The following NTN1 variants were observed in gnomAD, a reference collection of about 807,000 sequenced individuals.
NTN1 encodes the protein netrin-1.
A neutral mutation model predicts 54.2 loss-of-function variants in NTN1; 11 were observed. The ratio of observed to expected loss-of-function variants is 0.20; its 90% CI spans 0.13 to 0.34. The LOEUF (loss-of-function observed/expected upper bound fraction) is 0.34, where lower values mean the gene tolerates loss of function less well. Ranked by LOEUF, NTN1 falls within the 10% of genes least tolerant of loss-of-function variation. The probability of loss-of-function intolerance (pLI) is 1.00; values close to 1 mark genes in which losing one functional copy is unlikely to be tolerated. For missense variants in NTN1, 740 were observed against 893.1 expected, an observed-to-expected ratio of 0.83 and a Z score of 2.18; for synonymous variants, 371 against 382.0, an observed-to-expected ratio of 0.97 and a Z score of 0.33.
intron 2 of NTN1, among the ~76,000 whole-genome samples, chr17:9,112,716 T>C (rs959674278): frequency 6.6e-5 from 10 of 151,016 alleles, no homozygotes. Flanking sequence ...TCCCAGCTAC[T>C]CGGGAGGCTG....
At chr17:9,082,052 T>C (rs2092072863) in intron 2 of NTN1, among the ~76,000 whole-genome samples, 1 of 152,078 alleles carries the variant, frequency 6.6e-6, no homozygotes, top group African/African-American at 2.4e-5. Context: ...GGGTTCAAAA[T>C]CTTGTTTTTT....
At position 9,242,060 on chromosome 17, in the gene NTN1, G is replaced by GGCA. The variant is rs1906232514; in HGVS notation, c.*2096_*2098dup. 1 of 152,668 alleles carries GGCA rather than the reference G, an allele frequency of 6.6e-6. No individual in the cohort carries two copies. The highest frequency in any genetic ancestry group is 2.1e-4 in the South Asian group (1 of 4,830). The allele number at this position is 152,668 out of a possible 1,614,324, so 9.5% of individuals were successfully genotyped here. Reference sequence around the variant, plus strand: ...TGGGGACAATCACATCTTCAGAGGAGGCAGCAAAGTGGTGCGGGATGCAGG... The same window carrying GGCA: ...TGGGGACAATCACATCTTCAGAGGAGGCAGCAGCAAAGTGGTGCGGGATGCAGG... On this transcript the variant is annotated 3_prime_UTR_variant, in exon 7 of 7. Transcript: ENST00000173229.
chr17:9,169,409 C>G (rs2142305428), intron 3 of NTN1, among the ~76,000 whole-genome samples: 1 of 152,346 alleles, frequency 6.6e-6, no homozygotes, highest in Middle Eastern at 3.4e-3. Flanking sequence ...AGTCCCTGAT[C>G]TTGTGACTCG....
At chr17:9,166,340 C>G (rs955797831) in intron 3 of NTN1, among the ~76,000 whole-genome samples, 3 of 113,048 alleles carry the variant, frequency 2.7e-5, no homozygotes, top group African/African-American at 1.0e-4. Context: ...CAGGCTCTGG[C>G]TTTTTTTTTT....
intron 2 of NTN1, among the ~76,000 whole-genome samples, chr17:9,061,616 T>C (rs2091998573): frequency 6.6e-6 from 1 of 152,224 alleles, no homozygotes. Context: ...TTGATATTGC[T>C]AGTCTGTCCA....
At chr17:9,073,288 T>C (rs1310540546) in intron 2 of NTN1, among the ~76,000 whole-genome samples, 3 of 152,074 alleles carry the variant, frequency 2.0e-5, no homozygotes, top group Admixed American at 2.0e-4. Context: ...CGGGTGAAGG[T>C]GGGTGCAAGG....
chr17:9,149,120 C>G (rs1350471139), intron 2 of NTN1, among the ~76,000 whole-genome samples: 2 of 152,080 alleles, frequency 1.3e-5, no homozygotes, highest in Non-Finnish European at 2.9e-5. Context: ...GGAGCCATTA[C>G]AGATGGGAAA....
rs148171944 is a variant in NTN1, at chr17:9,032,716, C to G, written c.1018+9325C>G. Among the ~76,000 whole-genome samples the G allele has an allele frequency of 4.4e-3, 670 of 152,332 alleles. 3 individuals carry two copies. Among genetic ancestry groups the G allele is most frequent in the Non-Finnish European group, 7.3e-3 (499 of 68,030 alleles). On this transcript the variant is annotated intron_variant, in intron 2 of 6. Coordinates refer to ENST00000173229, the MANE Select transcript of NTN1 (RefSeq NM_004822.3). ...TGGGTTGGGCGGCCCCAGGGCAGAG[C>G]TGTTGGACACGGCCCCCCCAGCCCC...
rs755668723 is a variant in NTN1, at chr17:9,023,039, G to T, written c.666G>T (p.Thr222=). ...PLSGGLIAFS[T]LDGRPSAHDF... Reference sequence around the variant, plus strand: ...CGGGCGGCCTCATCGCCTTCAGCACGCTGGACGGGCGGCCCTCGGCGCACG... The same window carrying T: ...CGGGCGGCCTCATCGCCTTCAGCACTCTGGACGGGCGGCCCTCGGCGCACG... Residue 222 remains threonine, a synonymous_variant, in exon 2 of 7, where the codon ACG becomes ACT. Coordinates refer to ENST00000173229, the MANE Select transcript of NTN1 (RefSeq NM_004822.3). 2 of 1,592,412 alleles carry T rather than the reference G, an allele frequency of 1.3e-6. No homozygotes were observed. The highest frequency in any genetic ancestry group is 1.1e-5 in the South Asian group (1 of 88,458).
intron 3 of NTN1, among the ~76,000 whole-genome samples, chr17:9,178,419 C>G (rs1394967924): frequency 6.6e-6 from 1 of 152,216 alleles, no homozygotes; most frequent in East Asian, 1.9e-4. Flanking sequence ...CTTCAACAAA[C>G]AATTCCTCAC....
chr17:9,021,232 T>TC (rs1357935769), upstream of NTN1, among the ~76,000 whole-genome samples: 3 of 150,444 alleles, frequency 2.0e-5, no homozygotes, highest in African/African-American at 7.4e-5. Context: ...CGGCCCCTCC[T>TC]CCCCCACGGG....
At chr17:9,228,636 T>C (rs1905679728) in intron 6 of NTN1, among the ~76,000 whole-genome samples, 1 of 152,196 alleles carries the variant, frequency 6.6e-6, no homozygotes. Flanking sequence ...TTCCCAGAAA[T>C]GTTTATTAGT....
the NTN1 span, among the ~76,000 whole-genome samples, chr17:9,008,589 C>G: frequency 6.6e-6 from 1 of 152,206 alleles, no homozygotes; most frequent in African/African-American, 2.4e-5. Flanking sequence ...TCCCAAAGTG[C>G]TGGGATTACA....
At chr17:9,123,793 T>G (rs2092237901) in intron 2 of NTN1, among the ~76,000 whole-genome samples, 1 of 152,208 alleles carries the variant, frequency 6.6e-6, no homozygotes, top group South Asian at 2.1e-4. Flanking sequence ...TTCTCTTGGT[T>G]CCTATCACAG....
intron 6 of NTN1, among the ~76,000 whole-genome samples, chr17:9,233,516 C>T (rs1382282606): frequency 1.3e-5 from 2 of 151,992 alleles, no homozygotes; most frequent in Admixed American, 6.6e-5. Flanking sequence ...GGTGACAATG[C>T]AGGGTCCTCA....
chr17:9,141,384 G>A (rs1406371117), intron 2 of NTN1, among the ~76,000 whole-genome samples: 9 of 152,180 alleles, frequency 5.9e-5, no homozygotes, highest in Admixed American at 5.9e-4. Context: ...AAGGAAGAGA[G>A]GGCTGTGGAA....
chr17:9,020,326 G>A (rs1326195725), upstream of NTN1, among the ~76,000 whole-genome samples: 1 of 152,222 alleles, frequency 6.6e-6, no homozygotes, highest in Non-Finnish European at 1.5e-5. Context: ...TCGGCCCAGT[G>A]TATTCCTTTC....
intron 5 of NTN1, among the ~76,000 whole-genome samples, chr17:9,184,880 C>T (rs908245764): frequency 4.6e-5 from 7 of 152,210 alleles, no homozygotes; most frequent in African/African-American, 9.6e-5. Context: ...CAAAAGATTC[C>T]GGAGCAGCCG....
intron 2 of NTN1, among the ~76,000 whole-genome samples, chr17:9,074,391 ATG>A (rs1448522669): frequency 6.6e-6 from 1 of 152,170 alleles, no homozygotes; most frequent in Non-Finnish European, 1.5e-5. Context: ...CTTCTCGAAA[ATG>A]TGTGTCATTC....
Sources: allele counts gnomAD v4.1 joint callset (sites outside exome capture counted in the v4.1 genomes callset), GRCh38; gene constraint gnomAD v4.1.1; transcripts MANE v1.5; gene names NCBI Gene and HGNC (gene_info 2026-07-23, HGNC 2026-07-21).